Variants in CP observed in about 807,000 individuals in gnomAD.
CP encodes the protein ceruloplasmin, also known as caeruloplasmin.
In CP, 64 loss-of-function variants were observed where a neutral mutation model predicts 122.4. That is an observed-to-expected ratio of 0.52 (90% confidence interval 0.43 to 0.64). The LOEUF (loss-of-function observed/expected upper bound fraction) is 0.64. CP is among the 30% of genes least tolerant of loss of function. The probability of loss-of-function intolerance (pLI) is 0.00; values close to 1 mark genes in which losing one functional copy is unlikely to be tolerated. For missense variants in CP, 1,167 were observed against 1,284.4 expected, an observed-to-expected ratio of 0.91 and a Z score of 1.40; for synonymous variants, 440 against 436.4, an observed-to-expected ratio of 1.01 and a Z score of -0.10.
chr3:149,183,626 A>C, intron 12 of CP, 21 bp from the exon 13 acceptor site: 4 of 1,495,942 alleles, frequency 2.7e-6, no homozygotes, highest in Non-Finnish European at 3.7e-6. Flanking sequence ...AAAACAACTA[A>C]GGTTAGTATT....
At position 149,198,362 on chromosome 3, in the gene CP, C is replaced by A; in HGVS notation, c.1713+5G>T. ...AACAATTTTTTTTTCCCCAGTTGGACTTACCTGTCTCCCATTTGCATGTAA... is the reference window on the plus strand; with the variant it reads ...AACAATTTTTTTTTCCCCAGTTGGAATTACCTGTCTCCCATTTGCATGTAA... On this transcript the variant is annotated splice_donor_5th_base_variant and intron_variant, in intron 9 of 18. Coordinates refer to ENST00000264613, the MANE Select transcript of CP (RefSeq NM_000096.4). 6.2e-7 allele frequency: 1 copy of A among 1,612,872 alleles called. No individual in the cohort carries two copies. The highest frequency in any genetic ancestry group is 8.5e-7 in the Non-Finnish European group (1 of 1,178,856).
Position 149,212,506 on chromosome 3 carries a change from G to C in CP, c.339C>G (p.Ala113=), listed in dbSNP as rs774595574. 1.2e-6 allele frequency: 2 copies of C among 1,613,930 alleles called. No individual in the cohort carries two copies. Among genetic ancestry groups the C allele is most frequent in the Non-Finnish European group, 1.7e-6 (2 of 1,179,938 alleles). ...GTGAATGAAAGGTGTAGGGCCTAGAGGCAAGGTTTTTTAAGTGTACATAAA... is the reference window on the plus strand; with the variant it reads ...GTGAATGAAAGGTGTAGGGCCTAGACGCAAGGTTTTTTAAGTGTACATAAA... The part of the protein sequence containing the change: ...DKVYVHLKNL[A]SRPYTFHSHG... Residue 113 remains alanine, a synonymous_variant, in exon 2 of 19, where the codon GCC becomes GCG. Coordinates refer to ENST00000264613, the MANE Select transcript of CP (RefSeq NM_000096.4).
At position 149,178,482 on chromosome 3, in the gene CP, T is replaced by A; in HGVS notation, c.2811A>T (p.Thr937=). ...ESWYLDDNIK[T]YSDHPEKVNK... ...TTACTTTCTCGGGGTGATCAGAGTA[T>A]GTTTTGATGTTGTCATCTAAGTACC... The change falls in exon 16 of 19, where the codon ACA becomes ACT. Residue 937 remains threonine (T), a synonymous_variant. Transcript: ENST00000264613. 1 of 1,613,746 alleles carries A rather than the reference T, an allele frequency of 6.2e-7. No individual in the cohort carries two copies.
chr3:149,170,853 G>A (rs529916210), downstream of CP, among the ~76,000 whole-genome samples: 1 of 152,298 alleles, frequency 6.6e-6, no homozygotes, highest in East Asian at 1.9e-4. Flanking sequence ...AAGACCAAGT[G>A]GATGTTTATT....
intron 2 of CP, among the ~76,000 whole-genome samples, chr3:149,211,846 A>G (rs989162169): frequency 6.6e-6 from 1 of 151,998 alleles, no homozygotes; most frequent in Non-Finnish European, 1.5e-5. Flanking sequence ...CTCTTATTCT[A>G]TTTGGCCAGA....
intron 4 of CP, among the ~76,000 whole-genome samples, chr3:149,208,925 T>A (rs909381486): frequency 1.3e-5 from 2 of 152,220 alleles, no homozygotes; most frequent in Non-Finnish European, 2.9e-5. Context: ...TTAGAATGAG[T>A]CTAGTGGATA....
At chr3:149,189,874 T>C (rs2108249467) in intron 9 of CP, among the ~76,000 whole-genome samples, 1 of 152,270 alleles carries the variant, frequency 6.6e-6, no homozygotes, top group East Asian at 1.9e-4. Flanking sequence ...AAGAATGTCA[T>C]TTTTGATCCA....
chr3:149,166,436 G>A (rs1301423451), intron 4 of CP, among the ~76,000 whole-genome samples: 1 of 152,126 alleles, frequency 6.6e-6, no homozygotes, highest in African/African-American at 2.4e-5. Flanking sequence ...ATGCTCTTCC[G>A]ACAGTATTTC....
chr3:149,179,942 A>C (rs770723021), intron 14 of CP: 1 of 365,276 alleles, frequency 2.7e-6, no homozygotes, highest in Non-Finnish European at 5.1e-6. Flanking sequence ...TGTGTACTTC[A>C]ATATTACAAT....
At chr3:149,171,984 C>T (rs1725039585), downstream of CP, 1 of 1,001,252 alleles carries the variant, frequency 1.0e-6, no homozygotes. Context: ...GGATTACAGG[C>T]GTGAGCCACC....
intron 1 of CP, among the ~76,000 whole-genome samples, chr3:149,220,338 T>C (rs1019103488): frequency 6.6e-6 from 1 of 152,168 alleles, no homozygotes; most frequent in African/African-American, 2.4e-5. Context: ...ATTTTTTTAA[T>C]GTGTCTGACT....
downstream of CP, among the ~76,000 whole-genome samples, chr3:149,171,076 G>A (rs796585956): frequency 2.0e-5 from 3 of 152,196 alleles, no homozygotes; most frequent in Admixed American, 1.3e-4. Flanking sequence ...TCAAGAGATC[G>A]AGACCATCCT....
At chr3:149,217,474 C>T (rs529497422) in intron 1 of CP, among the ~76,000 whole-genome samples, 1 of 152,000 alleles carries the variant, frequency 6.6e-6, no homozygotes, top group Non-Finnish European at 1.5e-5. Flanking sequence ...AATCAGAAGC[C>T]GCCAACTAAC....
At chr3:149,213,257 T>A (rs1354868565) in intron 1 of CP, among the ~76,000 whole-genome samples, 1 of 152,210 alleles carries the variant, frequency 6.6e-6, no homozygotes, top group Non-Finnish European at 1.5e-5. Flanking sequence ...TGTTGATGCA[T>A]GCAATGTGTG....
At chr3:149,167,437 A>G (rs1393902860) in intron 4 of CP, among the ~76,000 whole-genome samples, 4 of 146,306 alleles carry the variant, frequency 2.7e-5, no homozygotes, top group Admixed American at 2.7e-4. Flanking sequence ...TGGAGATGGT[A>G]TATTATCATC....
At chr3:149,178,701 AC>A in intron 15 of CP, 70 bp from the exon 16 acceptor site, 1 of 1,141,884 alleles carries the variant, frequency 8.8e-7, no homozygotes, top group Non-Finnish European at 1.3e-6. Flanking sequence ...GAGACTTTGC[AC>A]CCAGGGCCTC....
intron 18 of CP, among the ~76,000 whole-genome samples, chr3:149,174,568 C>T (rs1725287639): frequency 6.6e-6 from 1 of 152,252 alleles, no homozygotes; most frequent in African/African-American, 2.4e-5. Context: ...AGTTTCTCTT[C>T]ATTGAATTAA....
chr3:149,203,072 A>G (rs938866215), intron 6 of CP, among the ~76,000 whole-genome samples: 1 of 148,512 alleles, frequency 6.7e-6, no homozygotes, highest in Non-Finnish European at 1.5e-5. Context: ...ACGCCCGGCT[A>G]ATTTTTTGTA....
chr3:149,189,292 G>A (rs977354464), intron 9 of CP, among the ~76,000 whole-genome samples: 9 of 152,068 alleles, frequency 5.9e-5, no homozygotes, highest in African/African-American at 1.2e-4. Flanking sequence ...GGTAGCTCAC[G>A]CCTGTAATCC....
Sources: gnomAD v4.1 joint callset for allele counts (sites outside exome capture counted in the v4.1 genomes callset) on GRCh38, gnomAD v4.1.1 for gene constraint, MANE v1.5 for transcripts, NCBI Gene and HGNC (gene_info 2026-07-23, HGNC 2026-07-21) for gene names.